Variants in PRMT8 observed in about 807,000 individuals in gnomAD.
PRMT8 encodes protein arginine N-methyltransferase 8.
PRMT8 carries 7 observed loss-of-function variants against 47.1 expected under a neutral mutation model. That is an observed-to-expected ratio of 0.15 (90% confidence interval 0.08 to 0.28). PRMT8 has a LOEUF of 0.28. Ranked by LOEUF, PRMT8 falls within the 10% of genes least tolerant of loss-of-function variation. PRMT8 has a pLI of 1.00. For missense variants in PRMT8, 237 were observed against 505.4 expected (o/e 0.47, Z 5.09); for synonymous variants, 188 against 186.5 (o/e 1.01, Z -0.07).
chr12:3,397,476 G>A (rs1419777712), intron 1 of PRMT8, among the ~76,000 whole-genome samples: 38 of 150,488 alleles, frequency 2.5e-4, no homozygotes, highest in African/African-American at 7.6e-4. Context: ...GGCCCTGTGA[G>A]GTGTCAGTCT....
rs1280552867 is a variant in PRMT8 at position 3,453,643 on chromosome 12, G to A, written c.48+72201G>A. On this transcript the variant is annotated intron_variant, in intron 1 of 9. Transcript: ENST00000452611. This position sits in a 1 kb window ranked among gnomAD's most constrained non-coding sequence, Gnocchi z 4.9. ...GAGCGCGGTCAGGGGACACCCTTAGGAGAGGAGCTTGCCCTTCACAGCCAG... is the reference window on the plus strand; with the variant it reads ...GAGCGCGGTCAGGGGACACCCTTAGAAGAGGAGCTTGCCCTTCACAGCCAG... Among the ~76,000 whole-genome samples the A allele has an allele frequency of 2.0e-5, 3 of 152,212 alleles. No individual in the cohort carries two copies. The highest frequency in any genetic ancestry group is 2.9e-5 in the Non-Finnish European group (2 of 68,042).
intron 2 of PRMT8, among the ~76,000 whole-genome samples, chr12:3,546,031 A>G (rs1365213484): frequency 6.6e-6 from 1 of 152,248 alleles, no homozygotes; most frequent in African/African-American, 2.4e-5. Flanking sequence ...TTAGAAACTG[A>G]GAACAATAAA....
At chr12:3,427,259 T>G (rs1322707881) in intron 1 of PRMT8, among the ~76,000 whole-genome samples, 5 of 152,210 alleles carry the variant, frequency 3.3e-5, no homozygotes, top group Non-Finnish European at 5.9e-5. Context: ...CATATTTATT[T>G]AATTTTTAAT....
intron 1 of PRMT8, among the ~76,000 whole-genome samples, chr12:3,535,000 G>A (rs139271218): frequency 2.6e-5 from 4 of 152,236 alleles, no homozygotes; most frequent in Non-Finnish European, 2.9e-5. Flanking sequence ...AGTGCTTGGC[G>A]CAGCGCCTGG....
At chr12:3,392,978 T>C (rs1283275173) in intron 1 of PRMT8, among the ~76,000 whole-genome samples, 4 of 152,222 alleles carry the variant, frequency 2.6e-5, no homozygotes, top group Admixed American at 6.5e-5. Flanking sequence ...GTGAGCATTT[T>C]TTCATGTGTT....
At chr12:3,451,068 T>TG (rs1223648237) in intron 1 of PRMT8, among the ~76,000 whole-genome samples, 1 of 90,320 alleles carries the variant, frequency 1.1e-5, no homozygotes, top group African/African-American at 4.4e-5. Context: ...CGAAAGGTTT[T>TG]GGGACCCCAG....
chr12:3,589,384 AG>A (rs911602902), intron 8 of PRMT8, among the ~76,000 whole-genome samples: 5 of 152,154 alleles, frequency 3.3e-5, no homozygotes, highest in African/African-American at 1.2e-4. Flanking sequence ...AAGGAGCCCC[AG>A]GTCACATCGC....
intron 1 of PRMT8, chr12:3,469,091 G>A (rs1161003101): frequency 6.3e-6 from 3 of 478,356 alleles, no homozygotes; most frequent in African/African-American, 3.9e-5. Flanking sequence ...AGTGGAGGCC[G>A]CAGCAGTCAG....
intron 4 of PRMT8, among the ~76,000 whole-genome samples, chr12:3,560,085 T>C (rs1467718531): frequency 4.6e-5 from 7 of 152,136 alleles, no homozygotes; most frequent in African/African-American, 1.7e-4. Flanking sequence ...TACTTTTTCC[T>C]CCCAGGGTTT....
At chr12:3,506,533 G>A (rs754622176) in intron 1 of PRMT8, among the ~76,000 whole-genome samples, 14 of 152,160 alleles carry the variant, frequency 9.2e-5, no homozygotes, top group Non-Finnish European at 1.9e-4. Context: ...GCCATGTGAA[G>A]GGCCCATTAC....
At chr12:3,510,815 C>T (rs1330901338) in intron 1 of PRMT8, among the ~76,000 whole-genome samples, 1 of 152,210 alleles carries the variant, frequency 6.6e-6, no homozygotes, top group Non-Finnish European at 1.5e-5. Flanking sequence ...CTCGGGAGTG[C>T]ACTCCACGTA....
intron 1 of PRMT8, among the ~76,000 whole-genome samples, chr12:3,460,440 T>C (rs1591556552): frequency 6.6e-6 from 1 of 152,226 alleles, no homozygotes; most frequent in African/African-American, 2.4e-5. Context: ...AGTGGTTACT[T>C]GTAGACTTGT....
At position 3,441,509 on chromosome 12, in the gene PRMT8, CACCTGT is replaced by C. The variant is rs372507956; in HGVS notation, c.48+60069_48+60074del. On this transcript the variant is annotated intron_variant, in intron 1 of 9. Coordinates refer to the PRMT8 transcript ENST00000452611. ...ACTGCCCGCGTGGCCATCACAAGGCCACCTGTAACCTTTGGGCCTCATACCCTGTGT... is the reference window on the plus strand; with the variant it reads ...ACTGCCCGCGTGGCCATCACAAGGCCAACCTTTGGGCCTCATACCCTGTGT... Among the ~76,000 whole-genome samples, 536 of 152,338 alleles carry C rather than the reference CACCTGT, an allele frequency of 3.5e-3. 2 individuals are homozygous for C. Among genetic ancestry groups the C allele is most frequent in the African/African-American group, 0.012 (519 of 41,570 alleles).
chr12:3,465,214 A>ATTTTATAAATATAAAATATATATAT, intron 1 of PRMT8, among the ~76,000 whole-genome samples: 1 of 144,550 alleles, frequency 6.9e-6, no homozygotes, highest in East Asian at 2.0e-4. Context: ...TTTTATATAT[A>ATTTTATAAATATAAAATATATATAT]TTTTATAAAT....
At chr12:3,468,678 T>C (rs1865130707) in intron 1 of PRMT8, among the ~76,000 whole-genome samples, 1 of 152,186 alleles carries the variant, frequency 6.6e-6, no homozygotes, top group Non-Finnish European at 1.5e-5. Flanking sequence ...GGAGATGAAA[T>C]GAATGAGTCT....
intron 1 of PRMT8, among the ~76,000 whole-genome samples, chr12:3,421,190 G>C (rs79322742): frequency 0.017 from 2,560 of 152,270 alleles, 76 homozygotes; most frequent in African/African-American, 0.059. Context: ...TAGATCGTTA[G>C]CATCGAGGAG....
At chr12:3,425,518 T>C (rs1864594841) in intron 1 of PRMT8, among the ~76,000 whole-genome samples, 1 of 152,260 alleles carries the variant, frequency 6.6e-6, no homozygotes, top group African/African-American at 2.4e-5. Flanking sequence ...GCCCCAGGGC[T>C]GGGGCTGACA....
At position 3,583,145 on chromosome 12, in the gene PRMT8, GC is replaced by G; in HGVS notation, c.919del (p.Leu307TrpfsTer54). On this transcript the variant is annotated frameshift_variant, in exon 8 of 10. Coordinates refer to ENST00000382622, the MANE Select transcript of PRMT8 (RefSeq NM_019854.5). LOFTEE classifies it high-confidence loss of function. This position sits in a 1 kb window ranked among gnomAD's most constrained non-coding sequence, Gnocchi z 4.7. Reference protein sequence around the residue: ...LQIQRNDYVHALVTYFNIEFT... With the variant: ...LQIQRNDYVHXLVTYFNIEFT... Reference sequence around the variant, plus strand: ...GATACAGCGCAACGACTACGTCCACGCCCTGGTCACCTATTTTAATATTGAA... The same window carrying G: ...GATACAGCGCAACGACTACGTCCACGCCTGGTCACCTATTTTAATATTGAA... 6.2e-7 allele frequency: 1 copy of G among 1,614,000 alleles called. No individual in the cohort carries two copies. The highest frequency in any genetic ancestry group is 8.5e-7 in the Non-Finnish European group (1 of 1,179,970).
rs1555085719 is a variant in PRMT8 at position 3,496,215 on chromosome 12, T to TATATATATATATATATATATATA, written c.75+4515_75+4516insATATATATATATATATATATATA. On this transcript the variant is annotated intron_variant, in intron 1 of 9. Coordinates refer to ENST00000382622, the MANE Select transcript of PRMT8 (RefSeq NM_019854.5). Reference sequence around the variant, plus strand: ...TTGGAAACTGATATATATATATATATTTTTTTTTTTTTTTTTTTTTTTTTT... The same window carrying TATATATATATATATATATATATA: ...TTGGAAACTGATATATATATATATATATATATATATATATATATATATATTTTTTTTTTTTTTTTTTTTTTTTT... Among the ~76,000 whole-genome samples the TATATATATATATATATATATATA allele has an allele frequency of 2.8e-3, 68 of 24,200 alleles. 6 individuals carry two copies. Among genetic ancestry groups the TATATATATATATATATATATATA allele is most frequent in the Admixed American group, 3.9e-3 (7 of 1,792 alleles). The allele number at this position is 24,200 out of a possible 152,430, so 15.9% of individuals were successfully genotyped here. A position where few individuals can be genotyped will look rare whatever the true frequency, so the allele number is the denominator to read the frequency against.
Sources: gnomAD v4.1 joint callset for allele counts (sites outside exome capture counted in the v4.1 genomes callset) on GRCh38, gnomAD v4.1.1 for gene constraint, Gnocchi (gnomAD v3.1) non-coding constraint, MANE v1.5 for transcripts, NCBI Gene and HGNC (gene_info 2026-07-23, HGNC 2026-07-21) for gene names.